DLG1: variants seen among roughly 807,000 people sequenced by gnomAD.
The protein encoded by DLG1 is disks large homolog 1.
Under a neutral mutation model 123.4 loss-of-function variants are expected in DLG1, and 42 were observed. The observed-to-expected ratio is 0.34, with a 90% CI of 0.27 to 0.44. The LOEUF (loss-of-function observed/expected upper bound fraction) is 0.44. Ranked by LOEUF, DLG1 falls within the 20% of genes least tolerant of loss-of-function variation. The pLI, the probability that DLG1 is intolerant of heterozygous loss-of-function variation, is 1.00. For missense variants in DLG1, 942 were observed against 1,082.6 expected, an observed-to-expected ratio of 0.87 and a Z score of 1.82; for synonymous variants, 317 against 356.2, an observed-to-expected ratio of 0.89 and a Z score of 1.24.
rs189355790 is a variant in DLG1 at position 197,291,396 on chromosome 3, T to C, written c.151+4950A>G. 2.2e-3 allele frequency among the ~76,000 whole-genome samples: 338 copies of C among 151,308 alleles called. 2 individuals are homozygous for C. Among genetic ancestry groups the C allele is most frequent in the African/African-American group, 8.0e-3 (329 of 41,098 alleles). The stretch of plus-strand genomic sequence containing the variant: ...TGGGACTAATATAATGCAAAAGAAA[T>C]TTAAGAAATTTTGACATTTTACCAC... On this transcript the variant is annotated intron_variant, in intron 3 of 24. Coordinates refer to ENST00000667157, the MANE Select transcript of DLG1 (RefSeq NM_001366207.1).
chr3:197,108,619 G>A (rs999914906), intron 13 of DLG1, among the ~76,000 whole-genome samples: 4 of 151,792 alleles, frequency 2.6e-5, no homozygotes, highest in Admixed American at 6.6e-5. Context: ...AATGTCTTTC[G>A]CCTTTAGTAA....
chr3:197,088,011 A>T (rs989728210), intron 15 of DLG1, among the ~76,000 whole-genome samples: 2 of 152,214 alleles, frequency 1.3e-5, no homozygotes, highest in South Asian at 4.1e-4. Context: ...AATTCTAGCA[A>T]CTTGGTTTAT....
intron 19 of DLG1, chr3:197,068,443 T>G: frequency 2.6e-6 from 3 of 1,150,194 alleles, no homozygotes; most frequent in Non-Finnish European, 3.7e-6. Flanking sequence ...TGAATGACGG[T>G]TAAAAGTATA....
At chr3:197,227,594 T>G (rs1024992575) in intron 4 of DLG1, among the ~76,000 whole-genome samples, 6 of 152,226 alleles carry the variant, frequency 3.9e-5, no homozygotes, top group Admixed American at 1.3e-4. Flanking sequence ...CAAAGCTGTT[T>G]GTGGAAAAGT....
At chr3:197,213,515 T>C (rs1732372475) in intron 4 of DLG1, among the ~76,000 whole-genome samples, 1 of 152,110 alleles carries the variant, frequency 6.6e-6, no homozygotes, top group Non-Finnish European at 1.5e-5. Context: ...TCAAAACTAA[T>C]CAAACTGTAC....
chr3:197,169,939 G>C (rs772527536), intron 5 of DLG1, among the ~76,000 whole-genome samples: 2 of 152,120 alleles, frequency 1.3e-5, no homozygotes, highest in Non-Finnish European at 2.9e-5. Flanking sequence ...ACCGGCCCCA[G>C]TGTGTTGTTC....
At chr3:197,070,544 C>G (rs1742943577) in intron 18 of DLG1, 1 of 129,930 alleles carries the variant, frequency 7.7e-6, no homozygotes, top group African/African-American at 2.6e-5. Context: ...GTGTGAATCA[C>G]CACACCCAGC....
rs141528266 is a variant in DLG1, at chr3:197,255,598, C to A, written c.318+27081G>T. On this transcript the variant is annotated intron_variant, in intron 4 of 24. Coordinates refer to ENST00000667157, the MANE Select transcript of DLG1 (RefSeq NM_001366207.1). ...TTTTACACAGCTTTCTTCATAACAA[C>A]CAAAAAGTAGAAACAATTCAAATTC... Among the ~76,000 whole-genome samples the A allele has an allele frequency of 3.2e-3, 492 of 152,082 alleles. 1 individual carries two copies. Among genetic ancestry groups the A allele is most frequent in the Non-Finnish European group, 3.1e-3 (209 of 67,968 alleles).
At chr3:197,192,362 A>G (rs1252597913) in intron 5 of DLG1, among the ~76,000 whole-genome samples, 1 of 152,218 alleles carries the variant, frequency 6.6e-6, no homozygotes, top group African/African-American at 2.4e-5. Flanking sequence ...AGAAACATTT[A>G]TAAAAGAATA....
intron 4 of DLG1, among the ~76,000 whole-genome samples, chr3:197,279,472 G>A (rs1768114653): frequency 6.6e-6 from 1 of 152,134 alleles, no homozygotes; most frequent in Non-Finnish European, 1.5e-5. Flanking sequence ...GTCTATTCAT[G>A]AATATGAACA....
intron 5 of DLG1, among the ~76,000 whole-genome samples, chr3:197,167,152 G>A (rs1187049074): frequency 6.6e-6 from 1 of 151,976 alleles, no homozygotes; most frequent in Non-Finnish European, 1.5e-5. Flanking sequence ...ATAGGAATCT[G>A]GGAGCCCATA....
chr3:197,186,633 T>A (rs1716186131), intron 5 of DLG1, among the ~76,000 whole-genome samples: 1 of 152,132 alleles, frequency 6.6e-6, no homozygotes, highest in Non-Finnish European at 1.5e-5. Context: ...TAAATGGTAA[T>A]AAAAAGTTAA....
At chr3:197,163,678 T>C (rs1270265376) in intron 5 of DLG1, among the ~76,000 whole-genome samples, 3 of 142,566 alleles carry the variant, frequency 2.1e-5, no homozygotes, top group Non-Finnish European at 3.0e-5. Context: ...CCTGCCACCA[T>C]GCTCAGCTAT....
chr3:197,296,174 GTTATT>G (rs1390665523), intron 3 of DLG1, among the ~76,000 whole-genome samples, 167 bp downstream of exon 3: 1 of 152,140 alleles, frequency 6.6e-6, no homozygotes, highest in African/African-American at 2.4e-5. Context: ...TTGGTTACTA[GTTATT>G]TTAAGAAAGG....
At chr3:197,092,707 T>G (rs751029031) in intron 14 of DLG1, among the ~76,000 whole-genome samples, 3 of 152,156 alleles carry the variant, frequency 2.0e-5, no homozygotes, top group Non-Finnish European at 4.4e-5. Context: ...CTTGCTGTGT[T>G]GCCCAGGCTG....
intron 4 of DLG1, among the ~76,000 whole-genome samples, chr3:197,218,434 AGAC>A (rs1356399777): frequency 6.6e-6 from 1 of 152,204 alleles, no homozygotes; most frequent in Non-Finnish European, 1.5e-5. Flanking sequence ...CAAGTGCCAA[AGAC>A]AGCTTAAAAT....
At chr3:197,281,414 G>A (rs1029886531) in intron 4 of DLG1, among the ~76,000 whole-genome samples, 5 of 152,106 alleles carry the variant, frequency 3.3e-5, no homozygotes, top group African/African-American at 1.2e-4. Context: ...CCTCCTAAAG[G>A]TCCCACCTCT....
rs191330421 is a variant in DLG1, at chr3:197,288,459, T to C, written c.152-5614A>G. Among the ~76,000 whole-genome samples the C allele has an allele frequency of 2.4e-4, 36 of 150,492 alleles. No homozygotes were observed. The East Asian group carries it at 6.1e-3, about 25-fold the overall frequency. ...GAATCTGGCCAGGCACAGTGGTTCA[T>C]GCATGTAATCCCAGCACTTCGAGAG... On this transcript the variant is annotated intron_variant, in intron 3 of 24. Transcript: ENST00000667157.
intron 11 of DLG1, among the ~76,000 whole-genome samples, chr3:197,122,898 A>C (rs904624129): frequency 1.1e-4 from 17 of 152,124 alleles, no homozygotes; most frequent in African/African-American, 4.1e-4. Flanking sequence ...ATAATCTTGA[A>C]CAGTAACAAA....
Sources: gnomAD v4.1 joint callset for allele counts (sites outside exome capture counted in the v4.1 genomes callset) on GRCh38, gnomAD v4.1.1 for gene constraint, MANE v1.5 for transcripts, NCBI Gene and HGNC (gene_info 2026-07-23, HGNC 2026-07-21) for gene names.